PLEKHM3: variants seen among roughly 807,000 people sequenced by gnomAD.
The protein encoded by PLEKHM3 is pleckstrin homology domain containing M3.
In PLEKHM3, 45 loss-of-function variants were observed where a neutral mutation model predicts 81.8. That is an observed-to-expected ratio of 0.55 (90% CI 0.43 to 0.71). PLEKHM3 has a LOEUF of 0.71. Among genes scored for constraint, PLEKHM3 ranks in the 30% least tolerant of loss-of-function variants. PLEKHM3 has a pLI of 0.00. For synonymous variants in PLEKHM3, 352 were observed against 356.4 expected (o/e 0.99, Z 0.14); for missense variants, 788 against 924.3 (o/e 0.85, Z 1.91).
intron 6 of PLEKHM3, among the ~76,000 whole-genome samples, chr2:207,870,090 A>T (rs145107345): frequency 3.3e-5 from 5 of 152,200 alleles, no homozygotes; most frequent in African/African-American, 7.2e-5. Flanking sequence ...AGGAAATTGC[A>T]GTGTCATGTT....
At chr2:208,016,191 C>T (rs1026466263) in intron 1 of PLEKHM3, among the ~76,000 whole-genome samples, 5 of 152,010 alleles carry the variant, frequency 3.3e-5, no homozygotes, top group African/African-American at 1.2e-4. Flanking sequence ...GAGACTCCAT[C>T]TCAAATAAAT....
At chr2:207,981,633 C>T (rs998741387) in intron 2 of PLEKHM3, among the ~76,000 whole-genome samples, 1 of 152,124 alleles carries the variant, frequency 6.6e-6, no homozygotes, top group African/African-American at 2.4e-5. Flanking sequence ...AGGTGTGAGC[C>T]ACTGCACCCA....
intron 2 of PLEKHM3, among the ~76,000 whole-genome samples, chr2:207,983,316 G>A (rs890905680): frequency 8.5e-5 from 13 of 152,174 alleles, no homozygotes; most frequent in Non-Finnish European, 1.6e-4. Context: ...CTCCCAAAGT[G>A]CTGGGATTAC....
At chr2:207,851,565 C>A (rs2092412700) in intron 7 of PLEKHM3, 1 of 151,674 alleles carries the variant, frequency 6.6e-6, no homozygotes, top group Non-Finnish European at 1.5e-5. Context: ...TGATGAAACC[C>A]AGTCTCTACT....
chr2:207,918,288 T>G, intron 5 of PLEKHM3, among the ~76,000 whole-genome samples: 1 of 152,122 alleles, frequency 6.6e-6, no homozygotes, highest in African/African-American at 2.4e-5. Flanking sequence ...TTTGGGAGGC[T>G]GAGGTGGGTG....
At chr2:207,927,528 A>G (rs1313749165) in intron 5 of PLEKHM3, among the ~76,000 whole-genome samples, 2 of 150,524 alleles carry the variant, frequency 1.3e-5, no homozygotes, top group East Asian at 3.9e-4. Context: ...AAAAAAAAAA[A>G]AAAAAAAAGA....
Position 208,023,695 on chromosome 2 carries a change from C to G in PLEKHM3, c.-319+1694G>C, listed in dbSNP as rs561756189. 3.3e-5 allele frequency among the ~76,000 whole-genome samples: 5 copies of G among 152,122 alleles called. No individual in the cohort carries two copies. In the South Asian group the frequency reaches 8.3e-4, roughly 25 times the overall value. ...CAGTTTCATCCCGTAACTATCACCC[C>G]CCTACTCCCCGACCCCACACCACCC... On this transcript the variant is annotated intron_variant, in intron 1 of 7. Coordinates refer to ENST00000427836, the MANE Select transcript of PLEKHM3 (RefSeq NM_001080475.3).
intron 3 of PLEKHM3, among the ~76,000 whole-genome samples, chr2:207,966,917 G>T (rs1294638016): frequency 6.6e-6 from 1 of 152,056 alleles, no homozygotes; most frequent in African/African-American, 2.4e-5. Flanking sequence ...GTCTGGCCAG[G>T]GCAGAGTGCA....
chr2:207,930,978 G>C lies in PLEKHM3; in HGVS notation c.1834C>G (p.Arg612Gly). 1 of 1,613,716 alleles carries C rather than the reference G, an allele frequency of 6.2e-7. No individual in the cohort carries two copies. Among genetic ancestry groups the C allele is most frequent in the Non-Finnish European group, 8.5e-7 (1 of 1,179,678 alleles). ...LRLRQRLKSL[R>G]AYLFSCRAAV... ...GCCCGGCAGCTGAACAAATAGGCTC[G>C]GAGCGACTTCAGCCGCTGCCGCAGC... The change falls in exon 5 of 8, where the codon CGA becomes GGA. Residue 612 changes from arginine to glycine, a missense_variant. Coordinates refer to ENST00000427836, the MANE Select transcript of PLEKHM3 (RefSeq NM_001080475.3).
chr2:207,884,454 T>C (rs1001049791), intron 6 of PLEKHM3, among the ~76,000 whole-genome samples: 3 of 152,216 alleles, frequency 2.0e-5, no homozygotes, highest in Non-Finnish European at 2.9e-5. Flanking sequence ...AACATTTTGA[T>C]GACACAAAAG....
intron 3 of PLEKHM3, among the ~76,000 whole-genome samples, chr2:207,948,546 GT>G (rs34459307): frequency 0.25 from 31,749 of 125,386 alleles, 3,475 homozygotes; most frequent in Middle Eastern, 0.32. Flanking sequence ...TATTTTTTTT[GT>G]TTTTTTTTTT....
chr2:207,852,664 C>G (rs1241885127), intron 7 of PLEKHM3: 1 of 348,790 alleles, frequency 2.9e-6, no homozygotes, highest in Non-Finnish European at 5.5e-6. Flanking sequence ...TTCCCTCATA[C>G]AGAGGGAACA....
At chr2:207,885,715 C>A (rs1687864777) in intron 6 of PLEKHM3, among the ~76,000 whole-genome samples, 1 of 151,200 alleles carries the variant, frequency 6.6e-6, no homozygotes, top group Non-Finnish European at 1.5e-5. Flanking sequence ...TGTAAGTATT[C>A]CAGTTGATTG....
chr2:207,881,572 A>T (rs369277823), intron 6 of PLEKHM3, among the ~76,000 whole-genome samples: 3 of 152,342 alleles, frequency 2.0e-5, no homozygotes, highest in South Asian at 2.1e-4. Context: ...TCTATTCAGT[A>T]ACTATGTGTG....
At chr2:208,005,763 T>C (rs2106101716) in intron 1 of PLEKHM3, among the ~76,000 whole-genome samples, 1 of 152,320 alleles carries the variant, frequency 6.6e-6, no homozygotes, top group Middle Eastern at 3.4e-3. Context: ...TTTGTGTTCA[T>C]TGTGTTCACT....
At position 208,001,059 on chromosome 2, in the gene PLEKHM3, T is replaced by G. The variant is rs1357513933; in HGVS notation, c.581A>C (p.Asn194Thr). 3.9e-6 allele frequency: 6 copies of G among 1,557,300 alleles called. 1 individual carries two copies. The highest frequency in any genetic ancestry group is 2.0e-5 in the Admixed American group (1 of 51,040). ...ATTTCCTTGAGCATCTTCTATCTTA[T>G]TTGGTGAGGGCAACAGAAAAGATGG... The part of the protein sequence containing the change: ...TRPSFLLPSP[N>T]KIEDAQGNTE... The change falls in exon 2 of 8, where the codon AAT becomes ACT. Residue 194 changes from asparagine to threonine, a missense_variant. By Grantham distance (65) the Asn-to-Thr change is moderately conservative (BLOSUM62 0). Coordinates refer to ENST00000427836, the MANE Select transcript of PLEKHM3 (RefSeq NM_001080475.3).
chr2:207,969,114 C>T (rs150840652), intron 3 of PLEKHM3, among the ~76,000 whole-genome samples: 78 of 152,286 alleles, frequency 5.1e-4, no homozygotes, highest in Admixed American at 1.3e-3. Context: ...GGCTCTTTGG[C>T]TACTAAAGGA....
intron 4 of PLEKHM3, among the ~76,000 whole-genome samples, chr2:207,933,565 G>GCTA: frequency 6.6e-6 from 1 of 152,140 alleles, no homozygotes. Context: ...GGTTAACAAT[G>GCTA]CTACCTTTTA....
intron 7 of PLEKHM3, among the ~76,000 whole-genome samples, chr2:207,832,752 C>G (rs1242550442): frequency 6.7e-6 from 1 of 150,066 alleles, no homozygotes; most frequent in Non-Finnish European, 1.5e-5. Context: ...GAAATTGCAC[C>G]ACTGCACTCC....
Sources: allele counts gnomAD v4.1 joint callset (sites outside exome capture counted in the v4.1 genomes callset), GRCh38; gene constraint gnomAD v4.1.1; transcripts MANE v1.5; gene names NCBI Gene and HGNC (gene_info 2026-07-23, HGNC 2026-07-21).